NKAIN2: variants seen among roughly 807,000 people sequenced by gnomAD.
NKAIN2 encodes sodium/potassium-transporting ATPase subunit beta-1-interacting protein 2.
In NKAIN2, 14 loss-of-function variants were observed where a neutral mutation model predicts 32.6. That is an observed-to-expected ratio of 0.43 (90% CI 0.28 to 0.67). NKAIN2 has a LOEUF of 0.67. NKAIN2 is among the 30% of genes least tolerant of loss of function. The pLI is 0.17. For synonymous variants in NKAIN2, 80 were observed against 87.2 expected, an observed-to-expected ratio of 0.92 and a Z score of 0.46; for missense variants, 198 against 258.3, an observed-to-expected ratio of 0.77 and a Z score of 1.60.
chr6:124,303,071 T>C (rs1796358841), intron 2 of NKAIN2, among the ~76,000 whole-genome samples: 2 of 152,238 alleles, frequency 1.3e-5, no homozygotes, highest in Admixed American at 6.5e-5. Context: ...GGGGTATGTA[T>C]GTGCATCTTT....
intron 1 of NKAIN2, among the ~76,000 whole-genome samples, chr6:124,168,535 G>T (rs909646111): frequency 6.6e-6 from 1 of 151,758 alleles, no homozygotes; most frequent in Non-Finnish European, 1.5e-5. Context: ...TATAACAAAA[G>T]TTAAAGCCTG....
intron 1 of NKAIN2, among the ~76,000 whole-genome samples, chr6:123,998,381 A>G (rs983903699): frequency 6.6e-6 from 1 of 152,178 alleles, no homozygotes; most frequent in Non-Finnish European, 1.5e-5. Flanking sequence ...GCAATGCCAA[A>G]TAATAAAAAA....
intron 1 of NKAIN2, among the ~76,000 whole-genome samples, chr6:124,183,383 A>G (rs1358694208): frequency 1.3e-5 from 2 of 152,130 alleles, no homozygotes; most frequent in Non-Finnish European, 1.5e-5. Context: ...ATAATTTATG[A>G]TGAACAAGCT....
intron 1 of NKAIN2, among the ~76,000 whole-genome samples, chr6:123,949,292 T>C (rs1200681345): frequency 3.3e-5 from 5 of 152,026 alleles, no homozygotes; most frequent in Admixed American, 2.6e-4. Flanking sequence ...CAGGGTCTTT[T>C]TGGTTTCATA....
At chr6:124,805,516 A>G (rs1780504025) in intron 5 of NKAIN2, among the ~76,000 whole-genome samples, 1 of 152,158 alleles carries the variant, frequency 6.6e-6, no homozygotes, top group South Asian at 2.1e-4. Context: ...AAAGACCAAA[A>G]GTACATAAAA....
At chr6:124,538,855 G>A (rs1779810444) in intron 3 of NKAIN2, among the ~76,000 whole-genome samples, 1 of 151,890 alleles carries the variant, frequency 6.6e-6, no homozygotes, top group African/African-American at 2.4e-5. Flanking sequence ...TTTAATGATT[G>A]TATTTTTCGT....
chr6:124,698,035 G>A (rs1314936290), intron 4 of NKAIN2, among the ~76,000 whole-genome samples: 1 of 152,164 alleles, frequency 6.6e-6, no homozygotes, highest in African/African-American at 2.4e-5. Context: ...AATACACAGA[G>A]ACAGATGGAT....
chr6:123,914,326 T>G (rs1775381334), intron 1 of NKAIN2, among the ~76,000 whole-genome samples: 2 of 148,006 alleles, frequency 1.4e-5, no homozygotes, highest in Admixed American at 6.7e-5. Flanking sequence ...GGAGAAAAGA[T>G]GAGAGAGAGG....
intron 1 of NKAIN2, among the ~76,000 whole-genome samples, chr6:124,077,346 T>C (rs771446268): frequency 5.3e-5 from 8 of 152,240 alleles, no homozygotes; most frequent in Non-Finnish European, 1.2e-4. Flanking sequence ...ATCCGTTTTC[T>C]CACTCTTCTA....
At chr6:124,032,084 A>C (rs1486339278) in intron 1 of NKAIN2, among the ~76,000 whole-genome samples, 1 of 151,980 alleles carries the variant, frequency 6.6e-6, no homozygotes, top group African/African-American at 2.4e-5. Context: ...CTATGCAGCC[A>C]TGAAAGGGAT....
intron 3 of NKAIN2, among the ~76,000 whole-genome samples, chr6:124,591,309 T>C (rs1182043584): frequency 6.6e-6 from 1 of 152,164 alleles, no homozygotes; most frequent in Non-Finnish European, 1.5e-5. Flanking sequence ...AATGTACATG[T>C]GATAGACAGG....
chr6:124,326,796 C>T (rs775564739), intron 2 of NKAIN2, among the ~76,000 whole-genome samples: 2 of 152,072 alleles, frequency 1.3e-5, no homozygotes, highest in African/African-American at 4.8e-5. Context: ...ATGTCACATA[C>T]AATATTTTTG....
intron 1 of NKAIN2, among the ~76,000 whole-genome samples, chr6:123,940,383 TAC>T (rs112837392): frequency 9.0e-4 from 132 of 146,870 alleles, no homozygotes; most frequent in East Asian, 2.7e-3. Flanking sequence ...TATATATAGA[TAC>T]ACACACACAC....
At chr6:124,585,790 A>T (rs561046900) in intron 3 of NKAIN2, among the ~76,000 whole-genome samples, 1 of 152,218 alleles carries the variant, frequency 6.6e-6, no homozygotes, top group African/African-American at 2.4e-5. Flanking sequence ...TATAATTTAC[A>T]TACAGCAAAA....
chr6:124,378,331 T>C (rs1046211878), intron 3 of NKAIN2, among the ~76,000 whole-genome samples: 1 of 152,050 alleles, frequency 6.6e-6, no homozygotes, highest in African/African-American at 2.4e-5. Context: ...CTACCCAGGG[T>C]GTGAAGAGTC....
At chr6:123,874,714 C>T (rs1448254927) in intron 1 of NKAIN2, among the ~76,000 whole-genome samples, 1 of 151,710 alleles carries the variant, frequency 6.6e-6, no homozygotes, top group East Asian at 1.9e-4. Context: ...ATTGAATTGG[C>T]CTATAAAATA....
At chr6:124,734,451 A>C (rs1242542172) in intron 4 of NKAIN2, among the ~76,000 whole-genome samples, 1 of 138,788 alleles carries the variant, frequency 7.2e-6, no homozygotes, top group Non-Finnish European at 1.6e-5. Context: ...TAAAATCTTT[A>C]AATGGTCCCT....
intron 1 of NKAIN2, among the ~76,000 whole-genome samples, chr6:123,882,286 T>A (rs1487242924): frequency 2.0e-5 from 3 of 151,898 alleles, no homozygotes; most frequent in Admixed American, 2.0e-4. Flanking sequence ...TGAAAAAAAA[T>A]CACTGCTTTA....
intron 5 of NKAIN2, among the ~76,000 whole-genome samples, chr6:124,792,186 G>T (rs969479260): frequency 2.0e-5 from 3 of 152,148 alleles, no homozygotes; most frequent in Non-Finnish European, 4.4e-5. Flanking sequence ...TCAGAATTGG[G>T]AATCATCTTT....
Sources: gnomAD v4.1 joint callset for allele counts (sites outside exome capture counted in the v4.1 genomes callset) on GRCh38, gnomAD v4.1.1 for gene constraint, MANE v1.5 for transcripts, NCBI Gene and HGNC (gene_info 2026-07-23, HGNC 2026-07-21) for gene names.